Variants in PRKN observed in about 807,000 individuals in gnomAD.
PRKN encodes the protein E3 ubiquitin-protein ligase parkin.
In PRKN, 56 loss-of-function variants were observed where a neutral mutation model predicts 59.5. The ratio of observed to expected loss-of-function variants is 0.94; its 90% confidence interval spans 0.76 to 1.18. The LOEUF (loss-of-function observed/expected upper bound fraction) is 1.18, where lower values mean the gene tolerates loss of function less well. PRKN is among the 50% of genes most tolerant of loss of function. The probability of loss-of-function intolerance (pLI) is 0.00; values close to 1 mark genes in which losing one functional copy is unlikely to be tolerated. For missense variants in PRKN, 657 were observed against 596.4 expected, an observed-to-expected ratio of 1.10 and a Z score of -1.06; for synonymous variants, 250 against 222.1, an observed-to-expected ratio of 1.13 and a Z score of -1.12.
At chr6:162,475,543 A>G (rs1318603865) in intron 1 of PRKN, among the ~76,000 whole-genome samples, 2 of 151,748 alleles carry the variant, frequency 1.3e-5, no homozygotes, top group African/African-American at 2.4e-5. Flanking sequence ...GCATGTATGC[A>G]TGTGTGTGCA....
At chr6:161,822,782 G>C (rs1414774991) in intron 6 of PRKN, among the ~76,000 whole-genome samples, 1 of 152,172 alleles carries the variant, frequency 6.6e-6, no homozygotes, top group East Asian at 1.9e-4. Flanking sequence ...TTTACCTCTG[G>C]ACATTGTTTA....
intron 2 of PRKN, among the ~76,000 whole-genome samples, chr6:162,390,398 C>G (rs199723225): frequency 1.3e-5 from 1 of 76,196 alleles, no homozygotes; most frequent in South Asian, 4.9e-4. Flanking sequence ...TATATATATA[C>G]ACACACACAC....
intron 4 of PRKN, among the ~76,000 whole-genome samples, chr6:162,175,195 C>T (rs1453054112): frequency 6.6e-6 from 1 of 152,204 alleles, no homozygotes; most frequent in Admixed American, 6.5e-5. Flanking sequence ...CCAAGTCTCC[C>T]TCCAGGCAAG....
chr6:162,167,907 T>C (rs764398040), intron 4 of PRKN, among the ~76,000 whole-genome samples: 12 of 152,218 alleles, frequency 7.9e-5, no homozygotes, highest in Non-Finnish European at 1.5e-4. Context: ...GCATGAGATA[T>C]AGAATATTTT....
Position 161,460,100 on chromosome 6 carries a change from G to A in PRKN, c.1084-73223C>T, listed in dbSNP as rs1390801692. On this transcript the variant is annotated intron_variant, in intron 9 of 11. Transcript: ENST00000366898. This position sits in a 1 kb window ranked among gnomAD's most constrained non-coding sequence, Gnocchi z 5.0. ...AGCAGGCATGGTGCAGGAATAGTAC[G>A]AACAAATATAAACAGCAATTGATCC... Among the ~76,000 whole-genome samples the A allele has an allele frequency of 2.0e-5, 3 of 152,138 alleles. No homozygotes were observed. Among genetic ancestry groups the A allele is most frequent in the African/African-American group, 2.4e-5 (1 of 41,436 alleles).
At chr6:161,981,813 C>A (rs1359721178) in intron 5 of PRKN, among the ~76,000 whole-genome samples, 1 of 152,174 alleles carries the variant, frequency 6.6e-6, no homozygotes, top group Non-Finnish European at 1.5e-5. Flanking sequence ...AATTAAGTTA[C>A]ACCTAGTCAA....
At chr6:161,375,317 G>A (rs1409563986) in intron 10 of PRKN, among the ~76,000 whole-genome samples, 21 of 152,194 alleles carry the variant, frequency 1.4e-4, no homozygotes, top group Non-Finnish European at 2.8e-4. Context: ...CTGCAGTGCA[G>A]GAGAGCGCTT....
intron 6 of PRKN, among the ~76,000 whole-genome samples, chr6:161,807,670 C>T (rs780475964): frequency 5.9e-5 from 9 of 152,188 alleles, no homozygotes; most frequent in Non-Finnish European, 1.2e-4. Flanking sequence ...GCCTCTGTCC[C>T]CCAGGGGCAG....
intron 3 of PRKN, among the ~76,000 whole-genome samples, chr6:162,224,456 ACACAATG>A (rs1242308370): frequency 1.3e-5 from 2 of 152,160 alleles, no homozygotes; most frequent in African/African-American, 2.4e-5. Context: ...CATGATGTTC[ACACAATG>A]CCAAGATCAC....
intron 2 of PRKN, among the ~76,000 whole-genome samples, chr6:162,352,553 T>A (rs533685383): frequency 6.6e-6 from 1 of 152,162 alleles, no homozygotes; most frequent in East Asian, 1.9e-4. Context: ...AAAACTCTAA[T>A]ATGGGAGGAG....
At chr6:162,141,190 C>T (rs1562536964) in intron 4 of PRKN, among the ~76,000 whole-genome samples, 1 of 151,914 alleles carries the variant, frequency 6.6e-6, no homozygotes, top group African/African-American at 2.4e-5. Context: ...GATATAGTGA[C>T]TATTCAGAAT....
At chr6:162,364,669 G>A (rs926060668) in intron 2 of PRKN, among the ~76,000 whole-genome samples, 6 of 152,030 alleles carry the variant, frequency 3.9e-5, no homozygotes, top group Non-Finnish European at 7.4e-5. Context: ...CTTAACATGC[G>A]GCGAGCTGGG....
chr6:162,540,195 C>T (rs552280248), intron 1 of PRKN, among the ~76,000 whole-genome samples: 61 of 152,138 alleles, frequency 4.0e-4, no homozygotes, highest in Middle Eastern at 3.4e-3. Context: ...GGATTACAGG[C>T]GTGAGCCACT....
At position 161,439,776 on chromosome 6, in the gene PRKN, T is replaced by G. The variant is rs116988962; in HGVS notation, c.1084-52899A>C. Among the ~76,000 whole-genome samples the G allele has an allele frequency of 3.7e-3, 561 of 152,272 alleles. 2 individuals carry two copies. Among genetic ancestry groups the G allele is most frequent in the Non-Finnish European group, 5.1e-3 (347 of 68,018 alleles). ...ATTAAGAAAACAGATGATAAGAGATTTGGCTTCAATAAACATGTACTGAAA... is the reference window on the plus strand; with the variant it reads ...ATTAAGAAAACAGATGATAAGAGATGTGGCTTCAATAAACATGTACTGAAA... On this transcript the variant is annotated intron_variant, in intron 9 of 11. Coordinates refer to ENST00000366898, the MANE Select transcript of PRKN (RefSeq NM_004562.3).
chr6:162,588,889 TA>T (rs1781185826), intron 1 of PRKN, among the ~76,000 whole-genome samples: 2 of 152,090 alleles, frequency 1.3e-5, no homozygotes, highest in Admixed American at 1.3e-4. Context: ...TACAGTGCCA[TA>T]AAGAAAGCTT....
intron 4 of PRKN, among the ~76,000 whole-genome samples, chr6:162,184,715 C>T (rs942132210): frequency 2.0e-5 from 3 of 152,116 alleles, no homozygotes; most frequent in South Asian, 2.1e-4. Flanking sequence ...ACTAATACAT[C>T]CAGCCTCCTT....
intron 5 of PRKN, among the ~76,000 whole-genome samples, chr6:162,012,102 T>G (rs1447859086): frequency 2.0e-5 from 3 of 152,136 alleles, no homozygotes; most frequent in Non-Finnish European, 4.4e-5. Flanking sequence ...TTTCCTTTGA[T>G]CACGTCATCC....
Position 161,874,132 on chromosome 6 carries a change from ATTATATG to A in PRKN, c.735-88231_735-88225del, listed in dbSNP as rs1182087201. ...ATGTAAAATATAATATATAATATAT[ATTATATG>A]TAAAATATAATATATATTATATATA... On this transcript the variant is annotated intron_variant, in intron 6 of 11. Transcript: ENST00000366898. Among the ~76,000 whole-genome samples, 4 of 76,886 alleles carry A rather than the reference ATTATATG, an allele frequency of 5.2e-5. No individual in the cohort carries two copies. In the Admixed American group the frequency reaches 7.2e-4, roughly 14 times the overall value. 50.4% of individuals were successfully genotyped at this position (76,886 alleles called of 152,430 possible). A position where few individuals can be genotyped will look rare whatever the true frequency, so the allele number is the denominator to read the frequency against.
intron 9 of PRKN, among the ~76,000 whole-genome samples, chr6:161,403,450 C>G (rs62435928): frequency 6.8e-4 from 103 of 152,234 alleles, no homozygotes; most frequent in Middle Eastern, 3.4e-3. Flanking sequence ...TTACTGTTGT[C>G]CTGTGGAGAA....
Sources: allele counts gnomAD v4.1 joint callset (sites outside exome capture counted in the v4.1 genomes callset), GRCh38; gene constraint gnomAD v4.1.1; non-coding constraint Gnocchi (gnomAD v3.1); transcripts MANE v1.5; gene names NCBI Gene and HGNC (gene_info 2026-07-23, HGNC 2026-07-21).